PPP2R2B: variants seen among roughly 807,000 people sequenced by gnomAD.
The protein encoded by PPP2R2B is serine/threonine-protein phosphatase 2A 55 kDa regulatory subunit B beta isoform.
A neutral mutation model predicts 46.0 loss-of-function variants in PPP2R2B; 5 were observed. That is an observed-to-expected ratio of 0.11 (90% CI 0.06 to 0.23). PPP2R2B has a LOEUF of 0.23. PPP2R2B is among the 10% of genes least tolerant of loss of function. The probability of loss-of-function intolerance (pLI) is 1.00; values close to 1 mark genes in which losing one functional copy is unlikely to be tolerated. For synonymous variants in PPP2R2B, 215 were observed against 206.7 expected (o/e 1.04, Z -0.34); for missense variants, 367 against 575.0 (o/e 0.64, Z 3.70).
intron 2 of PPP2R2B, among the ~76,000 whole-genome samples, chr5:146,860,869 A>G (rs1760944021): frequency 6.6e-6 from 1 of 152,068 alleles, no homozygotes; most frequent in South Asian, 2.1e-4. Context: ...ATATAGTCTT[A>G]GCTTTCTTGT....
At chr5:146,688,216 T>C (rs759303905) in intron 5 of PPP2R2B, among the ~76,000 whole-genome samples, 9 of 152,054 alleles carry the variant, frequency 5.9e-5, no homozygotes, top group Non-Finnish European at 1.0e-4. Flanking sequence ...CTGGTATTTA[T>C]AATTATATAG....
chr5:146,761,048 AC>A (rs1277765302), intron 2 of PPP2R2B, among the ~76,000 whole-genome samples: 1 of 152,164 alleles, frequency 6.6e-6, no homozygotes, highest in African/African-American at 2.4e-5. Flanking sequence ...AAATAGGAAC[AC>A]TTTTGCACTG....
intron 2 of PPP2R2B, among the ~76,000 whole-genome samples, chr5:147,069,833 C>T (rs1401532098): frequency 5.1e-5 from 6 of 116,822 alleles, no homozygotes; most frequent in Non-Finnish European, 8.1e-5. Context: ...CTCTGCCTCC[C>T]AGGCTGGAGT....
At chr5:146,757,940 C>T (rs2151247745) in intron 2 of PPP2R2B, among the ~76,000 whole-genome samples, 1 of 152,228 alleles carries the variant, frequency 6.6e-6, no homozygotes, top group South Asian at 2.1e-4. Flanking sequence ...GGCTTGGTCG[C>T]CTGAAATGAA....
intron 1 of PPP2R2B, among the ~76,000 whole-genome samples, chr5:146,938,802 T>C (rs1213567531): frequency 7.0e-6 from 1 of 143,590 alleles, no homozygotes; most frequent in African/African-American, 2.6e-5. Flanking sequence ...CTCCCTCTGT[T>C]GTCCAGGATG....
intron 1 of PPP2R2B, among the ~76,000 whole-genome samples, chr5:146,904,151 A>G (rs554382455): frequency 2.0e-5 from 3 of 152,252 alleles, no homozygotes; most frequent in East Asian, 1.9e-4. Context: ...CAGAAAGACC[A>G]AAGTATTGTA....
intron 1 of PPP2R2B, among the ~76,000 whole-genome samples, chr5:146,920,093 A>G (rs1458519653): frequency 2.0e-5 from 3 of 152,372 alleles, no homozygotes; most frequent in East Asian, 1.9e-4. Context: ...TATGTGGCAC[A>G]TAATCAGGCC....
rs61445378 is a variant in PPP2R2B at position 146,641,503 on chromosome 5, ATTTTTTT to A, written c.626-3095_626-3089del. The stretch of plus-strand genomic sequence containing the variant: ...AATCAGAATTTTTATGTGCTCTAAG[ATTTTTTT>A]TTTTTTTTTTTTTTTTTTTGAAGCA... On this transcript the variant is annotated intron_variant, in intron 6 of 9. Transcript: ENST00000394411. Among the ~76,000 whole-genome samples, 9 of 128,572 alleles carry A rather than the reference ATTTTTTT, an allele frequency of 7.0e-5. 1 individual carries two copies. Among genetic ancestry groups the A allele is most frequent in the Admixed American group, 1.5e-4 (2 of 13,054 alleles). The allele number at this position is 128,572 out of a possible 152,430, so 84.3% of individuals were successfully genotyped here. A position where few individuals can be genotyped will look rare whatever the true frequency, so the allele number is the denominator to read the frequency against.
At chr5:146,687,256 A>T (rs1482374695) in intron 5 of PPP2R2B, among the ~76,000 whole-genome samples, 2 of 152,210 alleles carry the variant, frequency 1.3e-5, no homozygotes, top group African/African-American at 4.8e-5. Context: ...TGGAATAACC[A>T]GTTGAGGGAT....
intron 1 of PPP2R2B, among the ~76,000 whole-genome samples, chr5:146,892,564 C>T (rs968564420): frequency 1.3e-5 from 2 of 152,150 alleles, no homozygotes; most frequent in African/African-American, 4.8e-5. Flanking sequence ...ATCAGGCCTT[C>T]AGTCTTTACC....
At chr5:146,628,113 T>C (rs765869339) in intron 7 of PPP2R2B, among the ~76,000 whole-genome samples, 3 of 151,980 alleles carry the variant, frequency 2.0e-5, no homozygotes, top group Non-Finnish European at 4.4e-5. Context: ...CCCAGCTAAT[T>C]TTTATATTTT....
At chr5:146,867,157 A>C (rs954436918) in intron 2 of PPP2R2B, among the ~76,000 whole-genome samples, 2 of 152,234 alleles carry the variant, frequency 1.3e-5, no homozygotes, top group African/African-American at 4.8e-5. Context: ...AGCATTGTCA[A>C]ATTAAAAGTA....
Position 146,589,935 on chromosome 5 carries a change from T to TAAC in PPP2R2B, c.*9_*11dup. ...TTCAGTATGTGAGATTATTAAGTAATAACTTGTCCACCTAGTTAACCTTGT... is the reference window on the plus strand; with the variant it reads ...TTCAGTATGTGAGATTATTAAGTAATAACAACTTGTCCACCTAGTTAACCTTGT... On this transcript the variant is annotated 3_prime_UTR_variant, in exon 10 of 10. Coordinates refer to ENST00000394411, the MANE Select transcript of PPP2R2B (RefSeq NM_181675.4). 2 of 1,609,194 alleles carry TAAC rather than the reference T, an allele frequency of 1.2e-6. No individual in the cohort carries two copies. The highest frequency in any genetic ancestry group is 1.7e-5 in the Admixed American group (1 of 59,952).
At chr5:146,943,542 T>C (rs1479593214) in intron 1 of PPP2R2B, among the ~76,000 whole-genome samples, 1 of 152,238 alleles carries the variant, frequency 6.6e-6, no homozygotes. Flanking sequence ...TCCATTTTAA[T>C]GTGTTTTCTT....
intron 2 of PPP2R2B, among the ~76,000 whole-genome samples, chr5:146,792,868 T>C (rs1235475605): frequency 6.6e-6 from 1 of 152,146 alleles, no homozygotes; most frequent in East Asian, 1.9e-4. Flanking sequence ...CAGGCCATCA[T>C]AAGGGCCCTT....
intron 2 of PPP2R2B, among the ~76,000 whole-genome samples, chr5:146,825,595 T>C (rs140504746): frequency 6.6e-6 from 1 of 152,202 alleles, no homozygotes; most frequent in Non-Finnish European, 1.5e-5. Flanking sequence ...GAAATACTTA[T>C]GGATGGATTG....
At chr5:147,012,021 A>C (rs1396812717) in intron 1 of PPP2R2B, among the ~76,000 whole-genome samples, 1 of 149,432 alleles carries the variant, frequency 6.7e-6, no homozygotes, top group Admixed American at 6.8e-5. Flanking sequence ...TTCATCAAGG[A>C]TAGTGGTCTA....
At chr5:146,690,253 G>A (rs116642920) in intron 5 of PPP2R2B, among the ~76,000 whole-genome samples, 3,476 of 152,234 alleles carry the variant, frequency 0.023, 56 homozygotes, top group Middle Eastern at 0.037. Flanking sequence ...TCATAACTGA[G>A]CTCATCATCC....
At position 146,589,809 on chromosome 5, in the gene PPP2R2B, CT is replaced by C; in HGVS notation, c.*137del. 3.2e-6 allele frequency: 3 copies of C among 932,422 alleles called. No individual in the cohort carries two copies. Among genetic ancestry groups the C allele is most frequent in the Non-Finnish European group, 4.8e-6 (3 of 622,578 alleles). 57.8% of individuals were successfully genotyped at this position (932,422 alleles called of 1,614,324 possible). On this transcript the variant is annotated 3_prime_UTR_variant, in exon 10 of 10. Transcript: ENST00000394411. ...GAACTGGGGAGCTGGGAATGTTGGA[CT>C]CCTTTTAATTCTATTCCAATCATTT...
Sources: gnomAD v4.1 joint callset for allele counts (sites outside exome capture counted in the v4.1 genomes callset) on GRCh38, gnomAD v4.1.1 for gene constraint, MANE v1.5 for transcripts, NCBI Gene and HGNC (gene_info 2026-07-23, HGNC 2026-07-21) for gene names.